NNT: variants seen among roughly 807,000 people sequenced by gnomAD.
The protein encoded by NNT is NAD(P) transhydrogenase, mitochondrial.
Under a neutral mutation model 104.8 loss-of-function variants are expected in NNT, and 50 were observed. That is an observed-to-expected ratio of 0.48 (90% CI 0.38 to 0.60). NNT has a LOEUF of 0.60. Ranked by LOEUF, NNT falls within the 20% of genes least tolerant of loss-of-function variation. The pLI is 0.00. For missense variants in NNT, 1,131 were observed against 1,330.7 expected (o/e 0.85, Z 2.33); for synonymous variants, 461 against 490.4 (o/e 0.94, Z 0.79).
chr5:43,674,880 TAA>T (rs1042229015), intron 17 of NNT, among the ~76,000 whole-genome samples: 51 of 152,334 alleles, frequency 3.3e-4, no homozygotes, highest in African/African-American at 1.0e-3. Flanking sequence ...GTATAAATTT[TAA>T]AGAGTATATA....
At chr5:43,676,997 G>A (rs529421835) in intron 18 of NNT, among the ~76,000 whole-genome samples, 5 of 152,260 alleles carry the variant, frequency 3.3e-5, no homozygotes, top group African/African-American at 1.2e-4. Flanking sequence ...GGACAGAAAG[G>A]AGGGTGAAGA....
intron 5 of NNT, among the ~76,000 whole-genome samples, chr5:43,622,480 C>A (rs1463079553): frequency 6.6e-6 from 1 of 152,170 alleles, no homozygotes; most frequent in Non-Finnish European, 1.5e-5. Flanking sequence ...GTTGCTTAGG[C>A]TGGTCTTGAG....
intron 2 of NNT, among the ~76,000 whole-genome samples, chr5:43,610,852 A>G (rs913163299): frequency 1.3e-5 from 2 of 152,248 alleles, no homozygotes; most frequent in Admixed American, 6.5e-5. Flanking sequence ...ATCCATGGAC[A>G]TCAAGATCTC....
At chr5:43,690,687 C>T (rs576440515) in intron 19 of NNT, among the ~76,000 whole-genome samples, 1 of 152,144 alleles carries the variant, frequency 6.6e-6, no homozygotes, top group Non-Finnish European at 1.5e-5. Flanking sequence ...ATCCCTCCCC[C>T]ACCTTCCATA....
intron 19 of NNT, among the ~76,000 whole-genome samples, chr5:43,688,746 C>G (rs185592567): frequency 1.2e-3 from 184 of 152,278 alleles, no homozygotes; most frequent in Middle Eastern, 3.4e-3. Context: ...GCCATTGTTT[C>G]ATTCCTTTTT....
At position 43,704,594 on chromosome 5, in the gene NNT, G is replaced by T; in HGVS notation, c.*190G>T. The T allele has an allele frequency of 1.7e-5, 8 of 482,412 alleles. No individual in the cohort carries two copies. The highest frequency in any genetic ancestry group is 1.4e-4 in the South Asian group (4 of 28,508). The allele number at this position is 482,412 out of a possible 1,614,324, so 29.9% of individuals were successfully genotyped here. A position where few individuals can be genotyped will look rare whatever the true frequency, so the allele number is the denominator to read the frequency against. On this transcript the variant is annotated 3_prime_UTR_variant, in exon 22 of 22. Coordinates refer to ENST00000344920, the MANE Select transcript of NNT (RefSeq NM_182977.3). ...GCAGTAATCCCTCAATTTTAAAAAA[G>T]GATTGAAAATTCTAAATGTCTTTCT...
chr5:43,649,744 T>G (rs1173661586), intron 11 of NNT, among the ~76,000 whole-genome samples: 1 of 152,156 alleles, frequency 6.6e-6, no homozygotes, highest in African/African-American at 2.4e-5. Context: ...ACCATGAAGC[T>G]ATGGGACAGG....
At chr5:43,649,412 G>C in intron 11 of NNT, 104 bp downstream of exon 11, 1 of 1,355,164 alleles carries the variant, frequency 7.4e-7, no homozygotes, top group Non-Finnish European at 1.0e-6. Context: ...AAGTTGTTTT[G>C]CTTGGCATCT....
intron 1 of NNT, among the ~76,000 whole-genome samples, chr5:43,607,609 G>A (rs1025790867): frequency 7.9e-5 from 12 of 152,166 alleles, no homozygotes; most frequent in Admixed American, 5.9e-4. Context: ...GCATAACAAC[G>A]CCCGGCTAAT....
At chr5:43,672,933 C>G (rs1232533594) in intron 17 of NNT, among the ~76,000 whole-genome samples, 6 of 152,226 alleles carry the variant, frequency 3.9e-5, no homozygotes, top group Admixed American at 3.9e-4. Flanking sequence ...GGGCTCCACC[C>G]AGTTCGAGCT....
chr5:43,673,038 G>T (rs1741212229), intron 17 of NNT, among the ~76,000 whole-genome samples: 1 of 152,220 alleles, frequency 6.6e-6, no homozygotes, highest in Non-Finnish European at 1.5e-5. Context: ...TCAGGCTGCT[G>T]TGCTAGCAAT....
Position 43,655,850 on chromosome 5 carries a change from T to G in NNT, c.2070T>G (p.Ile690Met). Reference protein sequence around the residue: ...MALGGTIGLTIAKRIQISDLP... With the variant: ...MALGGTIGLTMAKRIQISDLP... ...GACCTTTCATAACAGGATTGACAAT[T>G]GCCAAACGCATCCAGATTTCTGATT... The change falls in exon 15 of 22, where the codon ATT becomes ATG. Residue 690 changes from isoleucine (I) to methionine (M), a missense_variant. Ile to Met is a conservative substitution (Grantham distance 10, BLOSUM62 1). Transcript: ENST00000344920. The G allele has an allele frequency of 6.2e-7, 1 of 1,613,960 alleles. No individual in the cohort carries two copies. Among genetic ancestry groups the G allele is most frequent in the Non-Finnish European group, 8.5e-7 (1 of 1,179,782 alleles).
At chr5:43,675,309 A>G (rs1473431405) in intron 17 of NNT, among the ~76,000 whole-genome samples, 7 of 152,208 alleles carry the variant, frequency 4.6e-5, no homozygotes, top group Non-Finnish European at 8.8e-5. Context: ...AGGGAAAAAG[A>G]TAATGTGGTT....
At chr5:43,656,882 T>TA in intron 16 of NNT, 69 bp downstream of exon 16, 1 of 1,428,290 alleles carries the variant, frequency 7.0e-7, no homozygotes, top group Admixed American at 2.3e-5. Context: ...GATTAAAGTG[T>TA]AATCATATTT....
chr5:43,616,130 G>T, intron 4 of NNT, 65 bp downstream of exon 4: 1 of 1,260,152 alleles, frequency 7.9e-7, no homozygotes, highest in Non-Finnish European at 1.1e-6. Flanking sequence ...TCACACTGTA[G>T]CTCTTCTGTC....
chr5:43,695,056 A>G (rs1488018588), intron 19 of NNT, among the ~76,000 whole-genome samples: 1 of 152,098 alleles, frequency 6.6e-6, no homozygotes, highest in Non-Finnish European at 1.5e-5. Context: ...AATGTGTTCA[A>G]TTCTTTTAGG....
intron 7 of NNT, among the ~76,000 whole-genome samples, chr5:43,628,935 G>GTTT (rs11436190): frequency 7.1e-6 from 1 of 140,340 alleles, no homozygotes; most frequent in African/African-American, 2.7e-5. Flanking sequence ...TGTGTACAAT[G>GTTT]TTTTTTTTTT....
At chr5:43,657,220 A>G (rs979073112) in intron 16 of NNT, among the ~76,000 whole-genome samples, 2 of 152,222 alleles carry the variant, frequency 1.3e-5, no homozygotes, top group African/African-American at 2.4e-5. Flanking sequence ...CTCTTACATC[A>G]TTGGAAGATA....
chr5:43,667,251 C>T (rs1426029612), intron 17 of NNT: 40 of 870,448 alleles, frequency 4.6e-5, no homozygotes, highest in Middle Eastern at 3.3e-4. Flanking sequence ...CTTAAGCTGC[C>T]GGTCCCGAAG....
Sources: gnomAD v4.1 joint callset for allele counts (sites outside exome capture counted in the v4.1 genomes callset) on GRCh38, gnomAD v4.1.1 for gene constraint, MANE v1.5 for transcripts, NCBI Gene and HGNC (gene_info 2026-07-23, HGNC 2026-07-21) for gene names.